Variants in LRP1 observed in about 807,000 individuals in gnomAD.
LRP1 encodes LDL receptor related protein 1.
In LRP1, 51 loss-of-function variants were observed where a neutral mutation model predicts 541.5. The ratio of observed to expected loss-of-function variants is 0.09; its 90% CI spans 0.08 to 0.12. LRP1 has a LOEUF of 0.12. LRP1 is among the 10% of genes least tolerant of loss of function. The pLI is 1.00. For missense variants in LRP1, 3,878 were observed against 6,376.2 expected, an observed-to-expected ratio of 0.61 and a Z score of 13.34; for synonymous variants, 2,219 against 2,470.8, an observed-to-expected ratio of 0.90 and a Z score of 3.02.
At chr12:57,208,584 A>G (rs2036838198) in intron 77 of LRP1, 127 bp from the exon 78 acceptor site, 1 of 609,024 alleles carries the variant, frequency 1.6e-6, no homozygotes, top group South Asian at 2.0e-5. Context: ...TTCTCTGTAG[A>G]AGGACAGAAT....
chr12:57,159,251 T>G (rs935368884), intron 11 of LRP1, among the ~76,000 whole-genome samples: 2 of 152,068 alleles, frequency 1.3e-5, no homozygotes, highest in Admixed American at 6.6e-5. Flanking sequence ...AGTTATAACC[T>G]TTGCCCTGCA....
Position 57,196,070 on chromosome 12 carries a change from C to A in LRP1, c.8702-17C>A, listed in dbSNP as rs982511285. 6.2e-7 allele frequency: 1 copy of A among 1,609,472 alleles called. No individual in the cohort carries two copies. Reference sequence around the variant, plus strand: ...TGCCTGAGACCCCGCTGACCTGCCGCCTCCGCCCCTCCGCAGAGCACAAGT... The same window carrying A: ...TGCCTGAGACCCCGCTGACCTGCCGACTCCGCCCCTCCGCAGAGCACAAGT... On this transcript the variant is annotated splice_polypyrimidine_tract_variant and intron_variant, in intron 54 of 88. Transcript: ENST00000243077.
intron 46 of LRP1, 40 bp from the exon 47 acceptor site, chr12:57,193,526 G>A (rs1184620427): frequency 6.2e-7 from 1 of 1,604,246 alleles, no homozygotes; most frequent in Admixed American, 1.7e-5. Context: ...CCCTTTCCCT[G>A]TGCCTGTGGC....
chr12:57,132,977 C>G (rs561465942), intron 1 of LRP1, among the ~76,000 whole-genome samples: 1 of 152,176 alleles, frequency 6.6e-6, no homozygotes, highest in African/African-American at 2.4e-5. Flanking sequence ...TCTTCTTCCC[C>G]CTCCACTAAT....
intron 33 of LRP1, 120 bp from the exon 34 acceptor site, chr12:57,181,037 T>C: frequency 7.6e-7 from 1 of 1,322,496 alleles, no homozygotes; most frequent in Non-Finnish European, 1.0e-6. Flanking sequence ...GGTAGGGTGG[T>C]GACCCCCATT....
chr12:57,192,026 ACCCACAACACACAT>A (rs2036419411), intron 44 of LRP1, among the ~76,000 whole-genome samples: 1 of 113,646 alleles, frequency 8.8e-6, no homozygotes, highest in African/African-American at 3.3e-5. Context: ...CACACCTACC[ACCCACAACACACAT>A]CACACACACA....
chr12:57,193,501 G>A (rs936437819), intron 46 of LRP1, 65 bp from the exon 47 acceptor site: 28 of 1,584,826 alleles, frequency 1.8e-5, no homozygotes, highest in African/African-American at 4.0e-5. Context: ...CGTGCATGAC[G>A]TCTCAGGGAG....
At chr12:57,138,621 C>T in intron 2 of LRP1, 40 bp downstream of exon 2, 1 of 1,607,884 alleles carries the variant, frequency 6.2e-7, no homozygotes, top group South Asian at 1.1e-5. Context: ...AAACCCTTAA[C>T]TTATCCCTCT....
chr12:57,184,392 G>A lies in LRP1; in HGVS notation c.6126G>A (p.Glu2042=), dbSNP rs199846085. 8.1e-6 allele frequency: 13 copies of A among 1,614,258 alleles called. No individual in the cohort carries two copies. In the East Asian group the frequency reaches 2.9e-4, roughly 36 times the overall value. ...AGCGGTCTCGGCTAGATGGCACGGAGCGTGTGGTGCTGGTCAACGTCAGCA... is the reference window on the plus strand; with the variant it reads ...AGCGGTCTCGGCTAGATGGCACGGAACGTGTGGTGCTGGTCAACGTCAGCA... ...RIERSRLDGT[E]RVVLVNVSIS... Residue 2042 remains glutamate (E), a synonymous_variant, in exon 38 of 89, where the codon GAG becomes GAA. Transcript: ENST00000243077. The surrounding 1 kb of genome is among the most constrained non-coding windows in gnomAD (Gnocchi z 7.8).
In LRP1 at chr12:57,179,869, A is replaced by T; in HGVS notation, c.5054A>T (p.Asn1685Ile). The stretch of plus-strand genomic sequence containing the variant: ...TATGACACCAATAAGAAGCAGATCA[A>T]TGTGGCCCGGCTGGATGGCTCCTTC... ...TSYDTNKKQI[N>I]VARLDGSFKN... The change falls in exon 30 of 89, where the codon AAT becomes ATT. Residue 1685 changes from asparagine (N) to isoleucine (I), a missense_variant. Transcript: ENST00000243077. This position sits in a 1 kb window ranked among gnomAD's most constrained non-coding sequence, Gnocchi z 6.8. 1 of 1,614,170 alleles carries T rather than the reference A, an allele frequency of 6.2e-7. No homozygotes were observed. The highest frequency in any genetic ancestry group is 8.5e-7 in the Non-Finnish European group (1 of 1,180,028).
chr12:57,154,051 C>T lies in LRP1; in HGVS notation c.842-157C>T, dbSNP rs1161435499. On this transcript the variant is annotated intron_variant, in intron 6 of 88. Transcript: ENST00000243077. The surrounding 1 kb of genome is among the most constrained non-coding windows in gnomAD (Gnocchi z 4.6). ...CCAGCCAGCCAGCATTTACGCAAGC[C>T]CTCCTGTATATCCACTCTGAGCTAA... Among the ~76,000 whole-genome samples the T allele has an allele frequency of 6.6e-6, 1 of 152,158 alleles. No individual in the cohort carries two copies. Among genetic ancestry groups the T allele is most frequent in the Non-Finnish European group, 1.5e-5 (1 of 68,042 alleles).
chr12:57,200,920 T>G, intron 64 of LRP1, 105 bp downstream of exon 64: 2 of 1,566,594 alleles, frequency 1.3e-6, no homozygotes, highest in Non-Finnish European at 8.7e-7. Flanking sequence ...CAGCTTGCTC[T>G]CCAGGCTGGA....
Position 57,197,486 on chromosome 12 carries a change from G to A in LRP1, c.9163-59G>A. The A allele has an allele frequency of 1.2e-6, 2 of 1,613,386 alleles. No homozygotes were observed. The highest frequency in any genetic ancestry group is 3.3e-5 in the Admixed American group (2 of 59,894). ...AGGTCCAACCATCCCTCCCCCAGAT[G>A]CAAATGTGGCCCCTGTTGCCACAAC... On this transcript the variant is annotated intron_variant, in intron 57 of 88. Coordinates refer to ENST00000243077, the MANE Select transcript of LRP1 (RefSeq NM_002332.3). The surrounding 1 kb of genome is among the most constrained non-coding windows in gnomAD (Gnocchi z 4.5).
chr12:57,209,008 G>A, intron 78 of LRP1, 75 bp from the exon 79 acceptor site: 2 of 1,270,670 alleles, frequency 1.6e-6, no homozygotes, highest in Non-Finnish European at 2.3e-6. Context: ...GCTGTCCCGG[G>A]CATGGAGGCA....
At position 57,178,205 on chromosome 12, in the gene LRP1, T is replaced by C. The variant is rs1317906694; in HGVS notation, c.4362-154T>C. 1.3e-5 allele frequency among the ~76,000 whole-genome samples: 2 copies of C among 152,118 alleles called. No individual in the cohort carries two copies. The highest frequency in any genetic ancestry group is 2.9e-5 in the Non-Finnish European group (2 of 68,010). ...GTTCTCACACCTTGGTCCTTCTGTC[T>C]GTCTGCTCTGGCCAGCAAGGCTTAG... On this transcript the variant is annotated intron_variant, in intron 26 of 88. Transcript: ENST00000243077. The surrounding 1 kb of genome is among the most constrained non-coding windows in gnomAD (Gnocchi z 5.8).
At chr12:57,150,029 C>T in intron 6 of LRP1, 1 of 449,808 alleles carries the variant, frequency 2.2e-6, no homozygotes, top group Non-Finnish European at 4.0e-6. Flanking sequence ...CAGACTCAGT[C>T]TTCAATAAAT....
At chr12:57,153,665 A>G (rs1229391127) in intron 6 of LRP1, among the ~76,000 whole-genome samples, 1 of 152,062 alleles carries the variant, frequency 6.6e-6, no homozygotes, top group East Asian at 1.9e-4. Flanking sequence ...GCCCCCATGG[A>G]TCTTCCCTTT....
chr12:57,150,394 T>C (rs935429694), intron 6 of LRP1, among the ~76,000 whole-genome samples: 1 of 152,140 alleles, frequency 6.6e-6, no homozygotes. Context: ...AGTTTTACCA[T>C]GTTAGCCAGG....
At position 57,206,562 on chromosome 12, in the gene LRP1, T is replaced by C; in HGVS notation, c.11680T>C (p.Phe3894Leu). 1 of 1,614,196 alleles carries C rather than the reference T, an allele frequency of 6.2e-7. No individual in the cohort carries two copies. Among genetic ancestry groups the C allele is most frequent in the South Asian group, 1.1e-5 (1 of 91,086 alleles). The part of the protein sequence containing the change: ...GHPHSAYEQA[F>L]QGDESVRIDA... ...CCCCCATTCGGCTTACGAGCAGGCA[T>C]TCCAGGGTGACGAGAGTGTCCGCAT... The change falls in exon 76 of 89, where the codon TTC becomes CTC. Residue 3894 changes from phenylalanine (F) to leucine (L), a missense_variant. Phe to Leu is a conservative substitution (Grantham distance 22). Transcript: ENST00000243077. This position sits in a 1 kb window ranked among gnomAD's most constrained non-coding sequence, Gnocchi z 4.7.
Sources: allele counts gnomAD v4.1 joint callset (sites outside exome capture counted in the v4.1 genomes callset), GRCh38; gene constraint gnomAD v4.1.1; non-coding constraint Gnocchi (gnomAD v3.1); transcripts MANE v1.5; gene names NCBI Gene and HGNC (gene_info 2026-07-23, HGNC 2026-07-21).